The following LRBA variants were observed in gnomAD, a reference collection of about 807,000 sequenced individuals.
The protein encoded by LRBA is LPS responsive beige-like anchor protein.
LRBA carries 176 observed loss-of-function variants against 330.0 expected under a neutral mutation model. The ratio of observed to expected loss-of-function variants is 0.53; its 90% CI spans 0.47 to 0.60. The LOEUF (loss-of-function observed/expected upper bound fraction) is 0.60, where lower values mean the gene tolerates loss of function less well. LRBA is among the 20% of genes least tolerant of loss of function. The pLI, the probability that LRBA is intolerant of heterozygous loss-of-function variation, is 0.00. For missense variants in LRBA, 3,259 were observed against 3,444.8 expected (o/e 0.95, Z 1.35); for synonymous variants, 1,230 against 1,193.0 (o/e 1.03, Z -0.64).
chr4:150,633,088 T>C (rs1039422950), intron 37 of LRBA, among the ~76,000 whole-genome samples: 1 of 152,244 alleles, frequency 6.6e-6, no homozygotes. Context: ...GTTTACTTGC[T>C]ATATAGTTTA....
At chr4:150,697,323 C>CGGAA (rs1784711816) in intron 36 of LRBA, among the ~76,000 whole-genome samples, 1 of 1,484 alleles carries the variant, frequency 6.7e-4, no homozygotes, top group African/African-American at 9.9e-4. Flanking sequence ...GACTTTGTCT[C>CGGAA]AGAAAAAAAA....
intron 34 of LRBA, among the ~76,000 whole-genome samples, chr4:150,769,756 T>A (rs913448639): frequency 1.4e-4 from 21 of 152,220 alleles, no homozygotes; most frequent in African/African-American, 5.1e-4. Flanking sequence ...GTGACCCAAA[T>A]GACACACAAA....
At chr4:150,606,197 C>A (rs1023301081) in intron 37 of LRBA, among the ~76,000 whole-genome samples, 1 of 151,968 alleles carries the variant, frequency 6.6e-6, no homozygotes, top group East Asian at 1.9e-4. Context: ...AGCCAGTTGA[C>A]CATTTCTTTC....
At chr4:150,675,316 G>A (rs749498902) in intron 37 of LRBA, among the ~76,000 whole-genome samples, 1 of 152,182 alleles carries the variant, frequency 6.6e-6, no homozygotes, top group African/African-American at 2.4e-5. Flanking sequence ...TCTTGGTCAA[G>A]TAACAAACTT....
At chr4:150,556,889 C>G (rs1025356058) in intron 40 of LRBA, among the ~76,000 whole-genome samples, 1 of 152,108 alleles carries the variant, frequency 6.6e-6, no homozygotes, top group East Asian at 1.9e-4. Flanking sequence ...GAAAATGCAA[C>G]CTTTTTAAAA....
chr4:150,857,594 A>G (rs2126942886), intron 22 of LRBA, among the ~76,000 whole-genome samples: 1 of 152,294 alleles, frequency 6.6e-6, no homozygotes, highest in South Asian at 2.1e-4. Context: ...CTTCCTCTGG[A>G]AATTCCACTT....
chr4:150,746,033 C>G (rs1029786287), intron 35 of LRBA, among the ~76,000 whole-genome samples: 1 of 152,148 alleles, frequency 6.6e-6, no homozygotes, highest in African/African-American at 2.4e-5. Context: ...TCCCTGTTCA[C>G]TTTTCAGAAT....
intron 40 of LRBA, among the ~76,000 whole-genome samples, chr4:150,495,020 A>G (rs889892515): frequency 6.6e-6 from 1 of 151,758 alleles, no homozygotes; most frequent in African/African-American, 2.4e-5. Context: ...AAAGGAAATG[A>G]GGTAAGCTCC....
chr4:150,437,781 T>C (rs1751319128), intron 44 of LRBA, among the ~76,000 whole-genome samples: 1 of 152,144 alleles, frequency 6.6e-6, no homozygotes, highest in South Asian at 2.1e-4. Flanking sequence ...GAATGCTAAC[T>C]ATGGTTTTTA....
intron 3 of LRBA, 58 bp downstream of exon 3, chr4:150,928,776 G>A: frequency 7.0e-7 from 1 of 1,432,596 alleles, no homozygotes; most frequent in South Asian, 1.2e-5. Context: ...AGAAAAATAT[G>A]TATTTGAAAA....
Position 150,430,252 on chromosome 4 carries a change from T to C in LRBA, c.7041+5337A>G, listed in dbSNP as rs191264915. 1.4e-4 allele frequency among the ~76,000 whole-genome samples: 21 copies of C among 152,292 alleles called. No individual in the cohort carries two copies. In the East Asian group the frequency reaches 4.1e-3, roughly 29 times the overall value. On this transcript the variant is annotated intron_variant, in intron 46 of 56. Transcript: ENST00000651943. ...GCCTAATTAACAACTTACTGACTGC[T>C]TCCACTCTGGGCCATAGACAAGGGC...
At chr4:150,713,418 C>T (rs908612075) in intron 36 of LRBA, among the ~76,000 whole-genome samples, 1 of 152,118 alleles carries the variant, frequency 6.6e-6, no homozygotes, top group African/African-American at 2.4e-5. Context: ...AGGCAACATT[C>T]CTTACAATTT....
intron 40 of LRBA, among the ~76,000 whole-genome samples, chr4:150,508,243 G>T (rs1421533442): frequency 2.1e-4 from 8 of 38,844 alleles, no homozygotes; most frequent in African/African-American, 6.8e-4. Context: ...AAAAAAAAGG[G>T]GGGGGGGGGG....
chr4:150,862,872 G>A (rs748096048), intron 22 of LRBA, among the ~76,000 whole-genome samples: 11 of 151,520 alleles, frequency 7.3e-5, no homozygotes, highest in African/African-American at 2.2e-4. Flanking sequence ...CCAGCTACTC[G>A]CCAGGCTGAG....
intron 2 of LRBA, among the ~76,000 whole-genome samples, chr4:151,005,931 CTAAAG>C (rs1744024546): frequency 6.6e-6 from 1 of 151,920 alleles, no homozygotes; most frequent in South Asian, 2.1e-4. Context: ...GTAAAACAGA[CTAAAG>C]TAATTCAAAA....
chr4:150,549,999 CACAT>C (rs1185099517), intron 40 of LRBA, among the ~76,000 whole-genome samples: 1 of 152,138 alleles, frequency 6.6e-6, no homozygotes, highest in Non-Finnish European at 1.5e-5. Flanking sequence ...ACCCATACAA[CACAT>C]AGTGTGTAAA....
At chr4:151,009,108 T>C (rs1360217529) in intron 2 of LRBA, among the ~76,000 whole-genome samples, 1 of 144,760 alleles carries the variant, frequency 6.9e-6, no homozygotes, top group Admixed American at 7.0e-5. Context: ...CTCAAACTTC[T>C]GACCTCCCAC....
chr4:150,374,854 C>T (rs1173469527), intron 47 of LRBA, among the ~76,000 whole-genome samples: 1 of 152,140 alleles, frequency 6.6e-6, no homozygotes, highest in Non-Finnish European at 1.5e-5. Flanking sequence ...CTCCAAAATA[C>T]AGTTGCTTAA....
intron 37 of LRBA, among the ~76,000 whole-genome samples, chr4:150,621,148 G>C (rs1026685350): frequency 3.3e-5 from 5 of 151,492 alleles, no homozygotes; most frequent in African/African-American, 1.2e-4. Flanking sequence ...TTTTTAATAA[G>C]AACTCTCAGT....
Sources: allele counts gnomAD v4.1 joint callset (sites outside exome capture counted in the v4.1 genomes callset), GRCh38; gene constraint gnomAD v4.1.1; transcripts MANE v1.5; gene names NCBI Gene and HGNC (gene_info 2026-07-23, HGNC 2026-07-21).